Variants in MTF1 observed in about 807,000 individuals in gnomAD.
MTF1 encodes the protein MRE-binding transcription factor.
A neutral mutation model predicts 70.4 loss-of-function variants in MTF1; 22 were observed. That is an observed-to-expected ratio of 0.31 (90% CI 0.22 to 0.45). The LOEUF (loss-of-function observed/expected upper bound fraction) is 0.45, where lower values mean the gene tolerates loss of function less well. Ranked by LOEUF, MTF1 falls within the 20% of genes least tolerant of loss-of-function variation. MTF1 has a pLI of 1.00. For synonymous variants in MTF1, 333 were observed against 352.8 expected (o/e 0.94, Z 0.63); for missense variants, 649 against 922.0 (o/e 0.70, Z 3.83).
chr1:37,851,170 A>C (rs972426960), intron 2 of MTF1, among the ~76,000 whole-genome samples: 4 of 152,206 alleles, frequency 2.6e-5, no homozygotes, highest in African/African-American at 9.7e-5. Context: ...CGAAGACTAA[A>C]GCTACTGCTA....
chr1:37,832,491 T>A (rs1014293164), intron 6 of MTF1, among the ~76,000 whole-genome samples, 169 bp from the exon 7 acceptor site: 12 of 152,338 alleles, frequency 7.9e-5, no homozygotes, highest in South Asian at 6.2e-4. Context: ...TAATTTTTTT[T>A]AAATTATACT....
At position 37,810,516 on chromosome 1, in the gene MTF1, C is replaced by T. The variant is rs898536603; in HGVS notation, c.*4620G>A. On this transcript the variant is annotated 3_prime_UTR_variant, in exon 11 of 11. Coordinates refer to ENST00000373036, the MANE Select transcript of MTF1 (RefSeq NM_005955.3). The stretch of plus-strand genomic sequence containing the variant: ...AATGCCCAGTGGTCGTCGGCTTCCC[C>T]AAAGGGCATCAGAAGAAATACAGGA... 6.6e-6 allele frequency: 1 copy of T among 152,174 alleles called. No homozygotes were observed. The highest frequency in any genetic ancestry group is 2.4e-5 in the African/African-American group (1 of 41,424). 9.4% of individuals were successfully genotyped at this position (152,174 alleles called of 1,614,324 possible). A position where few individuals can be genotyped will look rare whatever the true frequency, so the allele number is the denominator to read the frequency against.
intron 2 of MTF1, among the ~76,000 whole-genome samples, chr1:37,855,050 A>ACT (rs1199472593): frequency 6.6e-6 from 1 of 151,976 alleles, no homozygotes; most frequent in Non-Finnish European, 1.5e-5. Flanking sequence ...CAACAGCAAA[A>ACT]CTCCATCTCA....
chr1:37,838,348 T>C (rs1557593946), intron 4 of MTF1, among the ~76,000 whole-genome samples: 1 of 152,118 alleles, frequency 6.6e-6, no homozygotes, highest in African/African-American at 2.4e-5. Context: ...CTAATAAAAG[T>C]ACCCACCACA....
intron 6 of MTF1, chr1:37,834,760 G>A: frequency 2.0e-6 from 1 of 507,244 alleles, no homozygotes; most frequent in Admixed American, 2.3e-5. Context: ...GATGTGGAGT[G>A]TGAGGGAAAA....
intron 10 of MTF1, among the ~76,000 whole-genome samples, chr1:37,816,189 C>T (rs1640816144): frequency 6.6e-6 from 1 of 152,182 alleles, no homozygotes; most frequent in African/African-American, 2.4e-5. Flanking sequence ...GTTGTACGAA[C>T]ACTTGCTCCA....
chr1:37,858,014 AT>A (rs1468352426), intron 1 of MTF1, among the ~76,000 whole-genome samples: 1 of 116,432 alleles, frequency 8.6e-6, no homozygotes, highest in African/African-American at 2.8e-5. Flanking sequence ...CCCATCTCTA[AT>A]AAAAAAAAAA....
At chr1:37,826,624 C>CTT (rs34242072) in intron 7 of MTF1, 433 of 385,204 alleles carry the variant, frequency 1.1e-3, no homozygotes, top group South Asian at 2.3e-3. Flanking sequence ...TCAGTGATTC[C>CTT]TTTTTTTTTT....
At chr1:37,831,879 T>C (rs1290738622) in intron 7 of MTF1, among the ~76,000 whole-genome samples, 1 of 152,252 alleles carries the variant, frequency 6.6e-6, no homozygotes, top group Non-Finnish European at 1.5e-5. Context: ...ACTAGAATTC[T>C]GGTTATGTCT....
At chr1:37,859,217 G>A (rs1641557673) in intron 1 of MTF1, among the ~76,000 whole-genome samples, 1 of 152,240 alleles carries the variant, frequency 6.6e-6, no homozygotes, top group Non-Finnish European at 1.5e-5. Flanking sequence ...AGCCAACGAG[G>A]AGTGCGAACA....
chr1:37,815,078 T>G lies in MTF1; in HGVS notation c.*58A>C. 1 of 1,445,668 alleles carries G rather than the reference T, an allele frequency of 6.9e-7. No homozygotes were observed. The highest frequency in any genetic ancestry group is 9.6e-7 in the Non-Finnish European group (1 of 1,042,722). 89.6% of individuals were successfully genotyped at this position (1,445,668 alleles called of 1,614,324 possible). A position where few individuals can be genotyped will look rare whatever the true frequency, so the allele number is the denominator to read the frequency against. The stretch of plus-strand genomic sequence containing the variant: ...AATTTCTGACCCATGATGGCAGGCA[T>G]TGTACCTCATGCCTCCTGCTCACCC... On this transcript the variant is annotated 3_prime_UTR_variant, in exon 11 of 11. Transcript: ENST00000373036. The surrounding 1 kb of genome is among the most constrained non-coding windows in gnomAD (Gnocchi z 4.5).
At chr1:37,858,818 T>G (rs900928718) in intron 1 of MTF1, among the ~76,000 whole-genome samples, 31 of 152,242 alleles carry the variant, frequency 2.0e-4, no homozygotes, top group Non-Finnish European at 3.5e-4. Context: ...TTTCATGTTC[T>G]GGAATAGTGA....
At chr1:37,850,218 C>T (rs1569884397) in intron 2 of MTF1, among the ~76,000 whole-genome samples, 2 of 95,360 alleles carry the variant, frequency 2.1e-5, no homozygotes, top group Admixed American at 3.4e-4. Context: ...AGCCTGGCTA[C>T]AGAATGGAAC....
At chr1:37,849,287 C>T (rs1373421774) in intron 2 of MTF1, among the ~76,000 whole-genome samples, 1 of 152,052 alleles carries the variant, frequency 6.6e-6, no homozygotes, top group Non-Finnish European at 1.5e-5. Context: ...TTAGCCAGGC[C>T]TAGTGGCACA....
Position 37,834,977 on chromosome 1 carries a change from C to G in MTF1, c.990+102G>C, listed in dbSNP as rs189697168. Reference sequence around the variant, plus strand: ...CTTGACCCTGACTTCTTCCCGCTCACTAACAGATATACAGAGAAGACATTT... The same window carrying G: ...CTTGACCCTGACTTCTTCCCGCTCAGTAACAGATATACAGAGAAGACATTT... On this transcript the variant is annotated intron_variant, in intron 6 of 10. Coordinates refer to ENST00000373036, the MANE Select transcript of MTF1 (RefSeq NM_005955.3). 3,912 of 1,300,634 alleles carry G rather than the reference C, an allele frequency of 3.0e-3. 27 individuals carry two copies. The highest frequency in any genetic ancestry group is 0.018 in the South Asian group (1,353 of 74,684). 80.6% of individuals were successfully genotyped at this position (1,300,634 alleles called of 1,614,324 possible). A position where few individuals can be genotyped will look rare whatever the true frequency, so the allele number is the denominator to read the frequency against.
intron 2 of MTF1, among the ~76,000 whole-genome samples, chr1:37,847,650 T>G (rs886312337): frequency 1.3e-5 from 2 of 152,106 alleles, no homozygotes; most frequent in African/African-American, 4.8e-5. Context: ...AGAGCTGGTA[T>G]CCACAGAACG....
At chr1:37,853,927 TTTG>T (rs1641453237) in intron 2 of MTF1, among the ~76,000 whole-genome samples, 2 of 152,360 alleles carry the variant, frequency 1.3e-5, no homozygotes, top group South Asian at 4.1e-4. Flanking sequence ...TTTATAAATG[TTTG>T]TTGAGTTGAA....
rs1641148679 is a variant in MTF1 at position 37,835,222 on chromosome 1, G to A, written c.854-7C>T. 1 of 1,611,532 alleles carries A rather than the reference G, an allele frequency of 6.2e-7. No homozygotes were observed. The highest frequency in any genetic ancestry group is 8.5e-7 in the Non-Finnish European group (1 of 1,177,900). On this transcript the variant is annotated splice_polypyrimidine_tract_variant and splice_region_variant and intron_variant, in intron 5 of 10. Transcript: ENST00000373036. ...CAGAAGAAGGGTCTTTCACCTGCAA[G>A]AATAACAAAGTAGTGTTAATTTACC...
intron 3 of MTF1, 63 bp from the exon 4 acceptor site, chr1:37,838,819 T>TTTTTTTTTTTTTTTTTTTTTTTC: frequency 1.7e-6 from 2 of 1,185,150 alleles, no homozygotes; most frequent in East Asian, 3.1e-5. Context: ...TTTTTTTTTT[T>TTTTTTTTTTTTTTTTTTTTTTTC]CTGAGACAGA....
Sources: allele counts gnomAD v4.1 joint callset (sites outside exome capture counted in the v4.1 genomes callset), GRCh38; gene constraint gnomAD v4.1.1; non-coding constraint Gnocchi (gnomAD v3.1); transcripts MANE v1.5; gene names NCBI Gene and HGNC (gene_info 2026-07-23, HGNC 2026-07-21).